The following C8orf34 variants were observed in gnomAD, a reference collection of about 807,000 sequenced individuals.
C8orf34 encodes chromosome 8 open reading frame 34.
A neutral mutation model predicts 68.3 loss-of-function variants in C8orf34; 65 were observed. The ratio of observed to expected loss-of-function variants is 0.95; its 90% CI spans 0.78 to 1.17. The LOEUF (loss-of-function observed/expected upper bound fraction) is 1.17, where lower values mean the gene tolerates loss of function less well. Ranked by LOEUF, C8orf34 falls within the 50% of genes most tolerant of loss-of-function variation. The pLI is 0.00. For missense variants in C8orf34, 664 were observed against 655.4 expected, an observed-to-expected ratio of 1.01 and a Z score of -0.14; for synonymous variants, 244 against 241.2, an observed-to-expected ratio of 1.01 and a Z score of -0.11.
chr8:68,420,420 G>A (rs1217502689), intron 1 of C8orf34, among the ~76,000 whole-genome samples: 3 of 152,020 alleles, frequency 2.0e-5, no homozygotes, highest in Non-Finnish European at 4.4e-5. Flanking sequence ...AGATTTTGTG[G>A]ATTGTTAGCA....
intron 7 of C8orf34, among the ~76,000 whole-genome samples, chr8:68,636,546 C>T (rs1818852258): frequency 6.6e-6 from 1 of 152,120 alleles, no homozygotes; most frequent in Admixed American, 6.6e-5. Flanking sequence ...GATCGCACCA[C>T]TGCACTCTTA....
intron 7 of C8orf34, among the ~76,000 whole-genome samples, chr8:68,558,714 G>A (rs1816331080): frequency 6.6e-6 from 1 of 152,096 alleles, no homozygotes; most frequent in African/African-American, 2.4e-5. Flanking sequence ...TTTTGTGATT[G>A]TAGAAGGATA....
chr8:68,357,468 G>A (rs1806797574), intron 1 of C8orf34, among the ~76,000 whole-genome samples: 1 of 152,136 alleles, frequency 6.6e-6, no homozygotes, highest in South Asian at 2.1e-4. Flanking sequence ...ATAATCTTCA[G>A]ATTAGTAGGG....
intron 7 of C8orf34, chr8:68,533,920 C>T (rs1815355223): frequency 1.1e-6 from 1 of 876,150 alleles, no homozygotes; most frequent in African/African-American, 1.8e-5. Flanking sequence ...GTATGATTTT[C>T]AAATACTTTA....
At chr8:68,567,948 C>A (rs1816645635) in intron 7 of C8orf34, among the ~76,000 whole-genome samples, 1 of 151,854 alleles carries the variant, frequency 6.6e-6, no homozygotes, top group African/African-American at 2.4e-5. Flanking sequence ...CCCTTCCTTT[C>A]ACTTGAATAC....
rs557973064 is a variant in C8orf34 at position 68,441,352 on chromosome 8, G to A, written c.475+1706G>A. Among the ~76,000 whole-genome samples the A allele has an allele frequency of 5.3e-5, 8 of 152,186 alleles. No individual in the cohort carries two copies. The South Asian group carries it at 1.7e-3, about 32-fold the overall frequency. ...TATTTTCTGACTGACTTTCAGCCAGGAGCTACTCTCATCTCCTAGGTGCAA... is the reference window on the plus strand; with the variant it reads ...TATTTTCTGACTGACTTTCAGCCAGAAGCTACTCTCATCTCCTAGGTGCAA... On this transcript the variant is annotated intron_variant, in intron 2 of 13. Coordinates refer to ENST00000518698, the MANE Select transcript of C8orf34 (RefSeq NM_052958.4).
intron 1 of C8orf34, among the ~76,000 whole-genome samples, chr8:68,406,178 G>A (rs747929963): frequency 3.9e-4 from 59 of 152,268 alleles, no homozygotes; most frequent in Admixed American, 3.9e-4. Context: ...AAGGGCTTAC[G>A]GTAGACAGAC....
intron 8 of C8orf34, among the ~76,000 whole-genome samples, chr8:68,697,218 T>C (rs150502945): frequency 6.6e-6 from 1 of 152,220 alleles, no homozygotes; most frequent in African/African-American, 2.4e-5. Flanking sequence ...TTATTTGCTG[T>C]ATTTCTTCTT....
intron 4 of C8orf34, among the ~76,000 whole-genome samples, chr8:68,487,508 C>T (rs1161404775): frequency 6.6e-6 from 1 of 152,096 alleles, no homozygotes; most frequent in African/African-American, 2.4e-5. Flanking sequence ...TACGCATTGG[C>T]TCGAGGAGCT....
chr8:68,592,683 A>G (rs1332557462), intron 7 of C8orf34, among the ~76,000 whole-genome samples: 4 of 139,376 alleles, frequency 2.9e-5, no homozygotes, highest in Non-Finnish European at 6.0e-5. Flanking sequence ...ATCTCGGTTC[A>G]CTGCAACCTC....
At chr8:68,330,927 G>C, upstream of C8orf34, 2 of 1,100,146 alleles carry the variant, frequency 1.8e-6, no homozygotes, top group Non-Finnish European at 2.4e-6. Context: ...GCCCAGAGGA[G>C]AAAGGAACCT....
chr8:68,628,461 G>A (rs1284531212), intron 7 of C8orf34, among the ~76,000 whole-genome samples: 3 of 152,022 alleles, frequency 2.0e-5, no homozygotes, highest in African/African-American at 7.2e-5. Flanking sequence ...AACTATAGCT[G>A]TCTCACATAA....
At chr8:68,515,638 G>A (rs1416347078) in intron 5 of C8orf34, among the ~76,000 whole-genome samples, 1 of 152,046 alleles carries the variant, frequency 6.6e-6, no homozygotes, top group Non-Finnish European at 1.5e-5. Flanking sequence ...TAAAATAAAA[G>A]CAATTTTCTC....
rs1824792066 is a variant in C8orf34 at position 68,815,763 on chromosome 8, A to G, written c.1550-123A>G. On this transcript the variant is annotated intron_variant, in intron 12 of 13. Coordinates refer to ENST00000518698, the MANE Select transcript of C8orf34 (RefSeq NM_052958.4). ...AATGGCAGCACAGTACATACTATAA[A>G]TGTAGTTTTAATATTAATTTCAATT... is the stretch of plus-strand genomic sequence containing the variant. 5 of 1,509,606 alleles carry G rather than the reference A, an allele frequency of 3.3e-6. No individual in the cohort carries two copies. In the South Asian group the frequency reaches 4.7e-5, roughly 14 times the overall value. 93.5% of individuals were successfully genotyped at this position (1,509,606 alleles called of 1,614,324 possible). A position where few individuals can be genotyped will look rare whatever the true frequency, so the allele number is the denominator to read the frequency against.
At chr8:68,778,714 G>A (rs1823589897) in intron 11 of C8orf34, among the ~76,000 whole-genome samples, 1 of 152,060 alleles carries the variant, frequency 6.6e-6, no homozygotes, top group Non-Finnish European at 1.5e-5. Flanking sequence ...TTACATCTAA[G>A]ATACTTGATA....
chr8:68,457,616 A>G (rs1811608205), intron 3 of C8orf34, among the ~76,000 whole-genome samples: 1 of 152,196 alleles, frequency 6.6e-6, no homozygotes, highest in South Asian at 2.1e-4. Context: ...TGATGACTAT[A>G]ATAAAGAATT....
intron 4 of C8orf34, among the ~76,000 whole-genome samples, chr8:68,470,903 G>A (rs533272238): frequency 2.6e-5 from 4 of 152,138 alleles, no homozygotes; most frequent in Non-Finnish European, 4.4e-5. Context: ...ATGAGTTTTG[G>A]GAGGACACCA....
chr8:68,604,885 T>C (rs1357025254), intron 7 of C8orf34, among the ~76,000 whole-genome samples: 2 of 152,152 alleles, frequency 1.3e-5, no homozygotes, highest in Non-Finnish European at 2.9e-5. Context: ...ACTTCTGCTC[T>C]GCAAAAGGCA....
At position 68,384,301 on chromosome 8, in the gene C8orf34, T is replaced by C. The variant is rs147330181; in HGVS notation, c.327+52962T>C. On this transcript the variant is annotated intron_variant, in intron 1 of 13. Transcript: ENST00000518698. The stretch of plus-strand genomic sequence containing the variant: ...AGTAGGTCAAAAGAACATGTATCAA[T>C]GGCTTTTGCCAGTTTAGTGTTGAAA... Among the ~76,000 whole-genome samples the C allele has an allele frequency of 1.3e-3, 195 of 152,332 alleles. 4 individuals are homozygous for C. In the East Asian group the frequency reaches 0.021, roughly 16 times the overall value.
Sources: allele counts gnomAD v4.1 joint callset (sites outside exome capture counted in the v4.1 genomes callset), GRCh38; gene constraint gnomAD v4.1.1; transcripts MANE v1.5; gene names NCBI Gene and HGNC (gene_info 2026-07-23, HGNC 2026-07-21).